Variants in H2AC1 observed in about 807,000 individuals in gnomAD.
H2AC1 encodes histone H2A type 1-A.
For missense variants in H2AC1, 218 were observed against 173.8 expected (o/e 1.25, Z -1.43); for synonymous variants, 145 against 70.0 (o/e 2.07, Z -5.35).
rs775464003 is a variant in H2AC1 at position 25,726,396 on chromosome 6, T to C, written c.132A>G (p.Ile44Met). 31 of 1,614,066 alleles carry C rather than the reference T, an allele frequency of 1.9e-5. No individual in the cohort carries two copies. The highest frequency in any genetic ancestry group is 1.5e-4 in the Admixed American group (9 of 60,008). ...LLRKGNYAER[I>M]GAGAPVYLAA... is the part of the protein sequence containing the mutation. ...CCAAATACACTGGTGCGCCTGCCCC[T>C]ATCCGCTCTGCATAGTTTCCCTTAC... The change falls in exon 1 of 1, where the codon ATA (isoleucine) becomes ATG (methionine). Residue 44 changes from isoleucine (I) to methionine (M), a missense_variant. Physicochemically the swap from Ile to Met is conservative, Grantham distance 10. Coordinates refer to ENST00000297012, the MANE Select transcript of H2AC1 (RefSeq NM_170745.3).
rs932188509 is a variant in H2AC1 at position 25,726,075 on chromosome 6, A to G, written c.*57T>C. The G allele has an allele frequency of 1.4e-6, 2 of 1,455,396 alleles. No homozygotes were observed. Among genetic ancestry groups the G allele is most frequent in the Non-Finnish European group, 1.8e-6 (2 of 1,085,260 alleles). 90.2% of individuals were successfully genotyped at this position (1,455,396 alleles called of 1,614,324 possible). On this transcript the variant is annotated 3_prime_UTR_variant, in exon 1 of 1. Transcript: ENST00000297012. The stretch of plus-strand genomic sequence containing the variant: ...TTTTCTGAGACGGTAGGTGGCTCTG[A>G]AAAGAGCCTTTTGTTTTTTCTGACA...
chr6:25,726,163 TCA>T lies in H2AC1; in HGVS notation c.363_364del (p.His124ProfsTer3), dbSNP rs779913025. ...GCTTTGGGCTTTATGGTGGTGACTC[TCA>T]GTCTTCTTGGGCAGCAGCACTGCCT... On this transcript the variant is annotated frameshift_variant, in exon 1 of 1. Transcript: ENST00000297012. LOFTEE classifies it high-confidence loss of function. 4.5e-6 allele frequency: 7 copies of T among 1,570,390 alleles called. No individual in the cohort carries two copies. Among genetic ancestry groups the T allele is most frequent in the Non-Finnish European group, 5.2e-6 (6 of 1,156,142 alleles).
At position 25,726,474 on chromosome 6, in the gene H2AC1, G is replaced by A. The variant is rs202097021; in HGVS notation, c.54C>T (p.Arg18=). 43 of 1,613,702 alleles carry A rather than the reference G, an allele frequency of 2.7e-5. No homozygotes were observed. The highest frequency in any genetic ancestry group is 5.3e-5 in the African/African-American group (4 of 74,902). ...GAAACTGCAAACCCGCTCTAGAAGA[G>A]CGAGACTTAGACTTGGCGCGTGCTT... is the stretch of plus-strand genomic sequence containing the variant. ...GGKARAKSKS[R]SSRAGLQFPV... is the part of the protein sequence containing the mutation. Residue 18 remains arginine (R), a synonymous_variant, in exon 1 of 1, where the codon CGC becomes CGT. Transcript: ENST00000297012.
At position 25,726,438 on chromosome 6, in the gene H2AC1, C is replaced by T; in HGVS notation, c.90G>A (p.Arg30=). 1 of 1,614,018 alleles carries T rather than the reference C, an allele frequency of 6.2e-7. No homozygotes were observed. The highest frequency in any genetic ancestry group is 8.5e-7 in the Non-Finnish European group (1 of 1,180,020). ...TTCCCTTACGAAGCAGACGATGGAT[C>T]CGGCCTACGGGAAACTGCAAACCCG... is the stretch of plus-strand genomic sequence containing the variant. The part of the protein sequence containing the change: ...SRAGLQFPVG[R]IHRLLRKGNY... The change falls in exon 1 of 1, where the codon CGG becomes CGA. Residue 30 remains arginine, a synonymous_variant. Coordinates refer to ENST00000297012, the MANE Select transcript of H2AC1 (RefSeq NM_170745.3).
In H2AC1 at chr6:25,726,174, G is replaced by T. The variant is rs775281918; in HGVS notation, c.354C>A (p.Pro118=). The change falls in exon 1 of 1, where the codon CCC becomes CCA. Residue 118 remains proline, a synonymous_variant. Coordinates refer to ENST00000297012, the MANE Select transcript of H2AC1 (RefSeq NM_170745.3). ...TATGGTGGTGACTCTCAGTCTTCTTGGGCAGCAGCACTGCCTGAATGTTAG... is the reference window on the plus strand; with the variant it reads ...TATGGTGGTGACTCTCAGTCTTCTTTGGCAGCAGCACTGCCTGAATGTTAG... ...VLPNIQAVLL[P]KKTESHHHKA... 4.4e-6 allele frequency: 7 copies of T among 1,580,136 alleles called. No individual in the cohort carries two copies. The African/African-American group carries it at 8.1e-5, about 18-fold the overall frequency.
rs768939863 is a variant in H2AC1, at chr6:25,726,183, CACTGCCT to C, written c.338_344del (p.Gln113ArgfsTer?). 15 of 1,592,464 alleles carry C rather than the reference CACTGCCT, an allele frequency of 9.4e-6. No individual in the cohort carries two copies. The highest frequency in any genetic ancestry group is 1.2e-5 in the Non-Finnish European group (14 of 1,166,756). On this transcript the variant is annotated frameshift_variant, in exon 1 of 1. Coordinates refer to ENST00000297012, the MANE Select transcript of H2AC1 (RefSeq NM_170745.3). LOFTEE classifies it high-confidence loss of function. ...GACTCTCAGTCTTCTTGGGCAGCAGCACTGCCTGAATGTTAGGCAGGACTCCGCCCTG... is the reference window on the plus strand; with the variant it reads ...GACTCTCAGTCTTCTTGGGCAGCAGCGAATGTTAGGCAGGACTCCGCCCTG...
At position 25,726,463 on chromosome 6, in the gene H2AC1, G is replaced by A. The variant is rs551684286; in HGVS notation, c.65C>T (p.Ala22Val). The A allele has an allele frequency of 5.0e-6, 8 of 1,613,852 alleles. No individual in the cohort carries two copies. Among genetic ancestry groups the A allele is most frequent in the African/African-American group, 4.0e-5 (3 of 75,018 alleles). The change falls in exon 1 of 1, where the codon GCG becomes GTG. Residue 22 changes from alanine (A) to valine (V), a missense_variant. Transcript: ENST00000297012. ...CCGGCCTACGGGAAACTGCAAACCC[G>A]CTCTAGAAGAGCGAGACTTAGACTT... ...RAKSKSRSSR[A>V]GLQFPVGRIH...
In H2AC1 at chr6:25,726,345, T is replaced by G. The variant is rs1385188752; in HGVS notation, c.183A>C (p.Ala61=). ...YLAAVLEYLT[A]EILELAGNAS... ...CATTGCCTGCCAGCTCAAGGATTTC[T>G]GCTGTGAGATACTCTAACACTGCCG... The change falls in exon 1 of 1, where the codon GCA becomes GCC. Residue 61 remains alanine (A), a synonymous_variant. Transcript: ENST00000297012. The G allele has an allele frequency of 1.2e-6, 2 of 1,614,056 alleles. No individual in the cohort carries two copies. Among genetic ancestry groups the G allele is most frequent in the African/African-American group, 1.3e-5 (1 of 74,920 alleles).
At position 25,726,497 on chromosome 6, in the gene H2AC1, C is replaced by A. The variant is rs139734927; in HGVS notation, c.31G>T (p.Ala11Ser). The stretch of plus-strand genomic sequence containing the variant: ...GAGCGAGACTTAGACTTGGCGCGTG[C>A]TTTTCCTCCCTGCTTCCCTCGTCCA... MSGRGKQGGK[A>S]RAKSKSRSSR... Residue 11 changes from alanine (A) to serine (S), a missense_variant, in exon 1 of 1, where the codon GCA becomes TCA. Physicochemically the swap from Ala to Ser is moderately conservative, Grantham distance 99. Coordinates refer to ENST00000297012, the MANE Select transcript of H2AC1 (RefSeq NM_170745.3). 35 of 1,611,474 alleles carry A rather than the reference C, an allele frequency of 2.2e-5. No homozygotes were observed. The highest frequency in any genetic ancestry group is 2.9e-5 in the Non-Finnish European group (34 of 1,178,258).
Position 25,726,469 on chromosome 6 carries a change from G to A in H2AC1, c.59C>T (p.Ser20Phe), listed in dbSNP as rs377362957. Residue 20 changes from serine to phenylalanine, a missense_variant, in exon 1 of 1, where the codon TCT becomes TTT. Transcript: ENST00000297012. ...TACGGGAAACTGCAAACCCGCTCTA[G>A]AAGAGCGAGACTTAGACTTGGCGCG... The part of the protein sequence containing the change: ...KARAKSKSRS[S>F]RAGLQFPVGR... The A allele has an allele frequency of 7.8e-5, 126 of 1,613,700 alleles. No homozygotes were observed. Among genetic ancestry groups the A allele is most frequent in the Non-Finnish European group, 9.1e-5 (107 of 1,179,974 alleles).
In H2AC1 at chr6:25,726,248, G is replaced by C. The variant is rs1262813052; in HGVS notation, c.280C>G (p.Leu94Val). The C allele has an allele frequency of 1.2e-6, 2 of 1,613,980 alleles. No individual in the cohort carries two copies. Among genetic ancestry groups the C allele is most frequent in the Non-Finnish European group, 1.7e-6 (2 of 1,179,890 alleles). ...GTCACGCCGCCCAAAAGCTTATTGA[G>C]TTCCTCATCATTGCGGATCGCTAGC... ...LQLAIRNDEE[L>V]NKLLGGVTIA... The change falls in exon 1 of 1, where the codon CTC (leucine) becomes GTC (valine). Residue 94 changes from leucine to valine, a missense_variant. Leu to Val is a conservative substitution (Grantham distance 32, BLOSUM62 1). Coordinates refer to ENST00000297012, the MANE Select transcript of H2AC1 (RefSeq NM_170745.3).
Position 25,726,238 on chromosome 6 carries a change from A to G in H2AC1, c.290T>C (p.Leu97Pro), listed in dbSNP as rs760286610. 6.2e-7 allele frequency: 1 copy of G among 1,613,670 alleles called. No homozygotes were observed. Among genetic ancestry groups the G allele is most frequent in the African/African-American group, 1.3e-5 (1 of 75,018 alleles). Residue 97 changes from leucine to proline, a missense_variant, in exon 1 of 1, where the codon CTT (leucine) becomes CCT (proline). Leu to Pro is a moderately conservative substitution (Grantham distance 98). Transcript: ENST00000297012. Reference protein sequence around the residue: ...AIRNDEELNKLLGGVTIAQGG... With the variant: ...AIRNDEELNKPLGGVTIAQGG... Reference sequence around the variant, plus strand: ...CTGGGCAATGGTCACGCCGCCCAAAAGCTTATTGAGTTCCTCATCATTGCG... The same window carrying G: ...CTGGGCAATGGTCACGCCGCCCAAAGGCTTATTGAGTTCCTCATCATTGCG...
Position 25,726,377 on chromosome 6 carries a change from A to G in H2AC1, c.151T>C (p.Tyr51His). 4 of 1,614,134 alleles carry G rather than the reference A, an allele frequency of 2.5e-6. No individual in the cohort carries two copies. Among genetic ancestry groups the G allele is most frequent in the Non-Finnish European group, 3.4e-6 (4 of 1,180,036 alleles). Residue 51 changes from tyrosine (Y) to histidine (H), a missense_variant, in exon 1 of 1, where the codon TAT (tyrosine) becomes CAT (histidine). Coordinates refer to ENST00000297012, the MANE Select transcript of H2AC1 (RefSeq NM_170745.3). ...AERIGAGAPV[Y>H]LAAVLEYLTA... ...AGATACTCTAACACTGCCGCCAAATACACTGGTGCGCCTGCCCCTATCCGC... is the reference window on the plus strand; with the variant it reads ...AGATACTCTAACACTGCCGCCAAATGCACTGGTGCGCCTGCCCCTATCCGC...
chr6:25,726,492 G>A lies in H2AC1; in HGVS notation c.36C>T (p.Arg12=), dbSNP rs150563946. 1.0e-3 allele frequency: 1,677 copies of A among 1,612,162 alleles called. 1 individual carries two copies. Among genetic ancestry groups the A allele is most frequent in the Middle Eastern group, 8.7e-3 (53 of 6,058 alleles). ...SGRGKQGGKA[R]AKSKSRSSRA... ...TAGAAGAGCGAGACTTAGACTTGGC[G>A]CGTGCTTTTCCTCCCTGCTTCCCTC... The change falls in exon 1 of 1, where the codon CGC becomes CGT. Residue 12 remains arginine, a synonymous_variant. Coordinates refer to ENST00000297012, the MANE Select transcript of H2AC1 (RefSeq NM_170745.3).
Position 25,726,491 on chromosome 6 carries a change from C to G in H2AC1, c.37G>C (p.Ala13Pro), listed in dbSNP as rs141721895. Residue 13 changes from alanine to proline, a missense_variant, in exon 1 of 1, where the codon GCC becomes CCC. Physicochemically the swap from Ala to Pro is conservative, Grantham distance 27. Transcript: ENST00000297012. ...CTAGAAGAGCGAGACTTAGACTTGG[C>G]GCGTGCTTTTCCTCCCTGCTTCCCT... The part of the protein sequence containing the change: ...GRGKQGGKAR[A>P]KSKSRSSRAG... 1.2e-5 allele frequency: 19 copies of G among 1,612,306 alleles called. No individual in the cohort carries two copies. The highest frequency in any genetic ancestry group is 1.5e-5 in the Non-Finnish European group (18 of 1,178,950).
In H2AC1 at chr6:25,726,072, C is replaced by CTGAAAAGAG. The variant is rs1344087587; in HGVS notation, c.*51_*59dup. 1 of 1,451,638 alleles carries CTGAAAAGAG rather than the reference C, an allele frequency of 6.9e-7. No homozygotes were observed. The highest frequency in any genetic ancestry group is 1.4e-5 in the African/African-American group (1 of 70,448). The allele number at this position is 1,451,638 out of a possible 1,614,324, so 89.9% of individuals were successfully genotyped here. On this transcript the variant is annotated 3_prime_UTR_variant, in exon 1 of 1. Transcript: ENST00000297012. ...CCTTTTTCTGAGACGGTAGGTGGCT[C>CTGAAAAGAG]TGAAAAGAGCCTTTTGTTTTTTCTG...
In H2AC1 at chr6:25,726,244, T is replaced by A; in HGVS notation, c.284A>T (p.Asn95Ile). The A allele has an allele frequency of 6.2e-7, 1 of 1,613,944 alleles. No homozygotes were observed. Residue 95 changes from asparagine to isoleucine, a missense_variant, in exon 1 of 1, where the codon AAT becomes ATT. Transcript: ENST00000297012. ...AATGGTCACGCCGCCCAAAAGCTTATTGAGTTCCTCATCATTGCGGATCGC... is the reference window on the plus strand; with the variant it reads ...AATGGTCACGCCGCCCAAAAGCTTAATGAGTTCCTCATCATTGCGGATCGC... The part of the protein sequence containing the change: ...QLAIRNDEEL[N>I]KLLGGVTIAQ...
chr6:25,726,500 T>C lies in H2AC1; in HGVS notation c.28A>G (p.Lys10Glu), dbSNP rs1760252114. Residue 10 changes from lysine (K) to glutamate (E), a missense_variant, in exon 1 of 1, where the codon AAA becomes GAA. Coordinates refer to ENST00000297012, the MANE Select transcript of H2AC1 (RefSeq NM_170745.3). Reference sequence around the variant, plus strand: ...CGAGACTTAGACTTGGCGCGTGCTTTTCCTCCCTGCTTCCCTCGTCCAGAC... The same window carrying C: ...CGAGACTTAGACTTGGCGCGTGCTTCTCCTCCCTGCTTCCCTCGTCCAGAC... MSGRGKQGGKARAKSKSRSS... is the reference protein window; with the variant it reads MSGRGKQGGEARAKSKSRSS... The C allele has an allele frequency of 6.2e-7, 1 of 1,611,510 alleles. No homozygotes were observed. The highest frequency in any genetic ancestry group is 1.3e-5 in the African/African-American group (1 of 74,990).
At position 25,726,166 on chromosome 6, in the gene H2AC1, GTCT is replaced by G. The variant is rs748966391; in HGVS notation, c.359_361del (p.Lys120del). Reference sequence around the variant, plus strand: ...TTGGGCTTTATGGTGGTGACTCTCAGTCTTCTTGGGCAGCAGCACTGCCTGAAT... The same window carrying G: ...TTGGGCTTTATGGTGGTGACTCTCAGTCTTGGGCAGCAGCACTGCCTGAAT... On this transcript the variant is annotated inframe_deletion, in exon 1 of 1. Coordinates refer to ENST00000297012, the MANE Select transcript of H2AC1 (RefSeq NM_170745.3). The G allele has an allele frequency of 6.4e-7, 1 of 1,573,078 alleles. No homozygotes were observed. The highest frequency in any genetic ancestry group is 1.2e-5 in the South Asian group (1 of 85,626).
Sources: gnomAD v4.1 joint callset for allele counts on GRCh38, gnomAD v4.1.1 for gene constraint, MANE v1.5 for transcripts, NCBI Gene and HGNC (gene_info 2026-07-23, HGNC 2026-07-21) for gene names.